The following SVIL variants were observed in gnomAD, a reference collection of about 807,000 sequenced individuals.
The protein encoded by SVIL is supervillin.
Under a neutral mutation model 240.4 loss-of-function variants are expected in SVIL, and 101 were observed. The ratio of observed to expected loss-of-function variants is 0.42; its 90% confidence interval spans 0.36 to 0.50. The LOEUF (loss-of-function observed/expected upper bound fraction) is 0.50, where lower values mean the gene tolerates loss of function less well. SVIL is among the 20% of genes least tolerant of loss of function. The probability of loss-of-function intolerance (pLI) is 0.01; values close to 1 mark genes in which losing one functional copy is unlikely to be tolerated. For missense variants in SVIL, 2,512 were observed against 2,818.7 expected, an observed-to-expected ratio of 0.89 and a Z score of 2.46; for synonymous variants, 999 against 1,100.0, an observed-to-expected ratio of 0.91 and a Z score of 1.82.
rs768579770 is a variant in SVIL at position 29,523,970 on chromosome 10, C to T, written c.2644G>A (p.Val882Ile). 31 of 1,614,022 alleles carry T rather than the reference C, an allele frequency of 1.9e-5. No individual in the cohort carries two copies. Among genetic ancestry groups the T allele is most frequent in the Non-Finnish European group, 2.4e-5 (28 of 1,180,036 alleles). The change falls in exon 15 of 38, where the codon GTA (valine) becomes ATA (isoleucine). Residue 882 changes from valine to isoleucine, a missense_variant. Physicochemically the swap from Val to Ile is conservative, Grantham distance 29 (BLOSUM62 3). Coordinates refer to ENST00000355867, the MANE Select transcript of SVIL (RefSeq NM_021738.3). Reference sequence around the variant, plus strand: ...TACATTGGAGCAACCGTGGATGCTACGGTAGACACTGATGTGTTCACGGCA... The same window carrying T: ...TACATTGGAGCAACCGTGGATGCTATGGTAGACACTGATGTGTTCACGGCA... The part of the protein sequence containing the change: ...SPAVNTSVST[V>I]ASTVAPMYAG...
intron 2 of SVIL, among the ~76,000 whole-genome samples, chr10:29,567,843 C>T (rs990292167): frequency 9.9e-5 from 15 of 152,022 alleles, no homozygotes; most frequent in Admixed American, 7.9e-4. Context: ...GGTGAAACCC[C>T]GTCTCTACTA....
intron 1 of SVIL, among the ~76,000 whole-genome samples, chr10:29,601,792 C>T (rs1331990657): frequency 6.6e-6 from 1 of 152,216 alleles, no homozygotes; most frequent in African/African-American, 2.4e-5. Context: ...TAATAGTGCA[C>T]TCCGCACCAT....
At chr10:29,527,224 T>C (rs1338068418) in intron 12 of SVIL, among the ~76,000 whole-genome samples, 168 bp from the exon 13 acceptor site, 1 of 151,996 alleles carries the variant, frequency 6.6e-6, no homozygotes, top group Non-Finnish European at 1.5e-5. Flanking sequence ...CAAAAGCAAA[T>C]ACAAACTCAG....
rs575619329 is a variant in SVIL, at chr10:29,726,006, C to T, written c.-400+9745G>A. 7.6e-4 allele frequency among the ~76,000 whole-genome samples: 115 copies of T among 152,296 alleles called. 1 individual carries two copies. Among genetic ancestry groups the T allele is most frequent in the African/African-American group, 2.4e-3 (99 of 41,568 alleles). Reference sequence around the variant, plus strand: ...GTGCAATCATAGCTCACTACAGCCTCGACATCATGGGCTTATGTGATCCTC... The same window carrying T: ...GTGCAATCATAGCTCACTACAGCCTTGACATCATGGGCTTATGTGATCCTC... On this transcript the variant is annotated intron_variant, in intron 1 of 35. Coordinates refer to the SVIL transcript ENST00000375400.
At chr10:29,561,665 CT>C (rs1392842350) in intron 3 of SVIL, among the ~76,000 whole-genome samples, 1 of 151,706 alleles carries the variant, frequency 6.6e-6, no homozygotes, top group Non-Finnish European at 1.5e-5. Flanking sequence ...CATGCCCCAT[CT>C]GCACCCGTCC....
rs113172577 is a variant in SVIL at position 29,532,827 on chromosome 10, C to A, written c.1540G>T (p.Glu514Ter). 1.9e-6 allele frequency: 3 copies of A among 1,614,170 alleles called. No homozygotes were observed. The highest frequency in any genetic ancestry group is 4.5e-5 in the East Asian group (2 of 44,876). Residue 514 changes from glutamate to a stop codon, truncating the protein, a stop_gained, in exon 8 of 38, where the codon GAG becomes TAG. Coordinates refer to ENST00000355867, the MANE Select transcript of SVIL (RefSeq NM_021738.3). LOFTEE classifies it high-confidence loss of function. ...TCACTTTGAATGTAGAGAACCATCTCGCTCCTGCCTGTCCTCTCAGTGGGC... is the reference window on the plus strand; with the variant it reads ...TCACTTTGAATGTAGAGAACCATCTAGCTCCTGCCTGTCCTCTCAGTGGGC... ...HQPTERTGRS[E>*]MVLYIQSEPV...
chr10:29,665,670 TGTAGTCCCAGCTACTCAGGA>T (rs1348414124), intron 2 of SVIL, among the ~76,000 whole-genome samples: 28 of 152,140 alleles, frequency 1.8e-4, no homozygotes, highest in African/African-American at 6.3e-4. Context: ...GGCGGACGCC[TGTAGTCCCAGCTACTCAGGA>T]GGCTGAGGCA....
intron 17 of SVIL, among the ~76,000 whole-genome samples, chr10:29,504,056 G>A (rs551749794): frequency 3.9e-5 from 6 of 152,192 alleles, no homozygotes; most frequent in East Asian, 1.9e-4. Context: ...TTTAGTCAAC[G>A]GATCTTTGAG....
At chr10:29,521,978 A>T (rs1377978007) in intron 16 of SVIL, among the ~76,000 whole-genome samples, 1 of 151,844 alleles carries the variant, frequency 6.6e-6, no homozygotes, top group African/African-American at 2.4e-5. Flanking sequence ...ATTTATCTTC[A>T]CTCCCTCTAC....
At chr10:29,616,029 T>C (rs1289328689) in intron 1 of SVIL, among the ~76,000 whole-genome samples, 4 of 152,252 alleles carry the variant, frequency 2.6e-5, no homozygotes, top group African/African-American at 7.2e-5. Flanking sequence ...ATTTAGTTTT[T>C]GTTTAAATCT....
chr10:29,571,676 G>A (rs150126170), intron 1 of SVIL, among the ~76,000 whole-genome samples: 17 of 152,280 alleles, frequency 1.1e-4, no homozygotes, highest in Middle Eastern at 3.4e-3. Flanking sequence ...GATTGCCCCC[G>A]CTTAATTTTA....
intron 3 of SVIL, among the ~76,000 whole-genome samples, chr10:29,640,971 A>G (rs1589439054): frequency 6.6e-6 from 1 of 152,222 alleles, no homozygotes; most frequent in East Asian, 1.9e-4. Context: ...GCTGCCTCCA[A>G]CAGACAGGTG....
At chr10:29,514,006 G>C (rs1041156525) in intron 16 of SVIL, among the ~76,000 whole-genome samples, 1 of 149,908 alleles carries the variant, frequency 6.7e-6, no homozygotes, top group Non-Finnish European at 1.5e-5. Flanking sequence ...AAAAGGTGGT[G>C]ATCACTAAAC....
chr10:29,642,419 GA>G (rs1958515228), intron 3 of SVIL, among the ~76,000 whole-genome samples: 1 of 63,126 alleles, frequency 1.6e-5, no homozygotes, highest in African/African-American at 4.8e-5. Context: ...GAGAGAGTGA[GA>G]AAGAAAGAAA....
intron 16 of SVIL, among the ~76,000 whole-genome samples, chr10:29,518,143 G>A (rs1421267446): frequency 1.3e-5 from 2 of 152,168 alleles, no homozygotes; most frequent in African/African-American, 2.4e-5. Context: ...ATCCCAGCAC[G>A]TTGGGAGGCC....
chr10:29,584,624 C>T (rs1589322478), intron 1 of SVIL, among the ~76,000 whole-genome samples: 1 of 152,204 alleles, frequency 6.6e-6, no homozygotes. Flanking sequence ...GAACCCCGTG[C>T]CTCGTTCACT....
chr10:29,672,075 C>T (rs7908699), intron 2 of SVIL, among the ~76,000 whole-genome samples: 4,000 of 152,308 alleles, frequency 0.026, 183 homozygotes, highest in African/African-American at 0.092. Context: ...CCAGAAATAT[C>T]TCCAAACAAA....
In SVIL at chr10:29,524,020, C is replaced by G; in HGVS notation, c.2594G>C (p.Ser865Thr). 6.2e-7 allele frequency: 1 copy of G among 1,605,406 alleles called. No homozygotes were observed. Among genetic ancestry groups the G allele is most frequent in the Non-Finnish European group, 8.5e-7 (1 of 1,175,314 alleles). The change falls in exon 15 of 38, where the codon AGT (serine) becomes ACT (threonine). Residue 865 changes from serine to threonine, a missense_variant. Physicochemically the swap from Ser to Thr is moderately conservative, Grantham distance 58. This residue lies in a region of SVIL where 1,443 missense variants were observed against 1,486.6 expected (regional missense o/e 0.97). Coordinates refer to ENST00000355867, the MANE Select transcript of SVIL (RefSeq NM_021738.3). ...AGGTGAGAAAGGAATGAGCTTTCCA[C>G]TCTGCACCTGGAAGGACACAGTTAA... The part of the protein sequence containing the change: ...VTLGEVEQVQ[S>T]GKLIPFSPAV...
intron 6 of SVIL, among the ~76,000 whole-genome samples, chr10:29,548,572 C>A (rs2132634858): frequency 6.6e-6 from 1 of 152,244 alleles, no homozygotes; most frequent in South Asian, 2.1e-4. Context: ...TTGAGTGGAT[C>A]CTTTTACACA....
Sources: allele counts gnomAD v4.1 joint callset (sites outside exome capture counted in the v4.1 genomes callset), GRCh38; gene constraint gnomAD v4.1.1; regional missense constraint gnomAD v4.1.1; transcripts MANE v1.5; gene names NCBI Gene and HGNC (gene_info 2026-07-23, HGNC 2026-07-21).